Variants in CLCN5 observed in about 807,000 individuals in gnomAD.
CLCN5 encodes the protein H(+)/Cl(-) exchange transporter 5.
Under a neutral mutation model 54.0 loss-of-function variants are expected in CLCN5, and 17 were observed. That is an observed-to-expected ratio of 0.31 (90% CI 0.22 to 0.47). The LOEUF is 0.47. CLCN5 is among the 20% of genes least tolerant of loss of function. The pLI, the probability that CLCN5 is intolerant of heterozygous loss-of-function variation, is 1.00. For missense variants in CLCN5, 448 were observed against 646.7 expected, an observed-to-expected ratio of 0.69 and a Z score of 3.33; for synonymous variants, 222 against 233.0, an observed-to-expected ratio of 0.95 and a Z score of 0.43.
chrX:49,926,021 A>G (rs1333698848), intron 3 of CLCN5, among the ~76,000 whole-genome samples: 2 of 112,198 alleles, frequency 1.8e-5, no homozygotes, highest in African/African-American at 6.5e-5. Context: ...GTGTGGGTTT[A>G]AGAAATGATA....
chrX:50,047,523 A>G (rs937122909), intron 4 of CLCN5, among the ~76,000 whole-genome samples: 13 of 111,354 alleles, frequency 1.2e-4, no homozygotes, highest in African/African-American at 3.6e-4. Context: ...AAAACGGCCA[A>G]ATTTTAGAAT....
chrX:50,074,120 C>T (rs1396646157), intron 6 of CLCN5, among the ~76,000 whole-genome samples: 1 of 111,977 alleles, frequency 8.9e-6, no homozygotes, highest in Non-Finnish European at 1.9e-5. Flanking sequence ...AAAGCCATCT[C>T]AGAAAAATAT....
rs11324611 is a variant in CLCN5, at chrX:49,952,499, GT to G, written c.16+27195del. On this transcript the variant is annotated intron_variant, in intron 3 of 14. Coordinates refer to ENST00000376091, the MANE Select transcript of CLCN5 (RefSeq NM_001127898.4). ...CGGGCTGACTTTGTCTTCCAGGTGGGTTTTTTTTTTCCAGTTGTTTGTTTTA... is the reference window on the plus strand; with the variant it reads ...CGGGCTGACTTTGTCTTCCAGGTGGGTTTTTTTTTCCAGTTGTTTGTTTTA... 1.6e-3 allele frequency among the ~76,000 whole-genome samples: 168 copies of G among 105,879 alleles called. 1 individual carries two copies. The highest frequency in any genetic ancestry group is 5.2e-3 in the African/African-American group (153 of 29,580). The allele number at this position is 105,879 out of a possible 115,157, so 91.9% of individuals were successfully genotyped here. A position where few individuals can be genotyped will look rare whatever the true frequency, so the allele number is the denominator to read the frequency against.
intron 3 of CLCN5, among the ~76,000 whole-genome samples, chrX:50,019,291 A>G (rs1930945807): frequency 9.1e-6 from 1 of 109,717 alleles, no homozygotes; most frequent in Non-Finnish European, 1.9e-5. Context: ...GATGGTCTCT[A>G]TTTTATTTTT....
intron 3 of CLCN5, among the ~76,000 whole-genome samples, chrX:49,951,867 A>G (rs1452328077): frequency 8.9e-6 from 1 of 111,922 alleles, no homozygotes; most frequent in East Asian, 2.8e-4. Flanking sequence ...TTAAGGGCCC[A>G]TTTATGTTGA....
At chrX:50,003,503 T>G in intron 3 of CLCN5, 1 of 383,530 alleles carries the variant, frequency 2.6e-6, no homozygotes, top group South Asian at 2.4e-5. Context: ...AGCCCTTCCC[T>G]GCTCCCTCTC....
At chrX:49,927,481 A>G (rs1318185708) in intron 3 of CLCN5, among the ~76,000 whole-genome samples, 2 of 112,004 alleles carry the variant, frequency 1.8e-5, no homozygotes, top group Non-Finnish European at 3.8e-5. Flanking sequence ...CCAGCAAAGT[A>G]CGATGATAGT....
intron 3 of CLCN5, among the ~76,000 whole-genome samples, chrX:49,959,855 C>T (rs781796881): frequency 9.0e-6 from 1 of 110,988 alleles, no homozygotes. Context: ...ATTTCCTTGC[C>T]CTACGATAAT....
intron 3 of CLCN5, among the ~76,000 whole-genome samples, chrX:49,975,246 C>G (rs1928420592): frequency 9.0e-6 from 1 of 111,215 alleles, no homozygotes; most frequent in African/African-American, 3.3e-5. Flanking sequence ...TAATGGAACA[C>G]TAGGCATAAA....
At chrX:50,034,414 T>C (rs1348627215) in intron 3 of CLCN5, among the ~76,000 whole-genome samples, 1 of 112,046 alleles carries the variant, frequency 8.9e-6, no homozygotes, top group Admixed American at 9.5e-5. Flanking sequence ...AATCCCCTTC[T>C]TCCTCTTGCA....
At chrX:49,941,633 C>G (rs1292086030) in intron 3 of CLCN5, among the ~76,000 whole-genome samples, 1 of 110,996 alleles carries the variant, frequency 9.0e-6, no homozygotes, top group South Asian at 3.8e-4. Context: ...CTTTCTGCCT[C>G]GTTCTCTAGA....
chrX:50,056,062 T>C (rs1337430191), intron 4 of CLCN5, among the ~76,000 whole-genome samples: 2 of 109,299 alleles, frequency 1.8e-5, no homozygotes, highest in African/African-American at 6.6e-5. Context: ...GATATATATA[T>C]ATATGCTTTT....
intron 3 of CLCN5, among the ~76,000 whole-genome samples, chrX:49,938,576 G>A (rs1310135578): frequency 1.8e-5 from 2 of 111,790 alleles, no homozygotes; most frequent in Non-Finnish European, 3.8e-5. Context: ...TGGGAAAACT[G>A]GCTAGCCATA....
At chrX:49,944,917 T>G (rs1362601890) in intron 3 of CLCN5, among the ~76,000 whole-genome samples, 1 of 112,391 alleles carries the variant, frequency 8.9e-6, no homozygotes, top group Admixed American at 9.4e-5. Flanking sequence ...ATGTGATATG[T>G]TATCACCCTC....
chrX:50,063,140 G>A (rs1263363852), intron 4 of CLCN5, among the ~76,000 whole-genome samples: 1 of 101,038 alleles, frequency 9.9e-6, no homozygotes, highest in Admixed American at 1.1e-4. Flanking sequence ...CTAGCAGAAG[G>A]CAAGAAATAA....
chrX:49,955,793 G>A (rs1359203508), intron 3 of CLCN5, among the ~76,000 whole-genome samples: 3 of 111,685 alleles, frequency 2.7e-5, no homozygotes, highest in Non-Finnish European at 5.6e-5. Context: ...GGGAGAACTT[G>A]TTAATTAAAA....
At chrX:50,062,806 A>G (rs1397534070) in intron 4 of CLCN5, among the ~76,000 whole-genome samples, 2 of 102,609 alleles carry the variant, frequency 1.9e-5, no homozygotes, top group Non-Finnish European at 3.9e-5. Context: ...ATAACAAACT[A>G]TCTCTCAGAC....
At chrX:49,933,792 C>T (rs1456550962) in intron 3 of CLCN5, among the ~76,000 whole-genome samples, 1 of 112,192 alleles carries the variant, frequency 8.9e-6, no homozygotes, top group Non-Finnish European at 1.9e-5. Flanking sequence ...ATAATATTTA[C>T]TGCACGTGCT....
chrX:49,994,533 G>C (rs1400069563), intron 3 of CLCN5, among the ~76,000 whole-genome samples: 1 of 103,031 alleles, frequency 9.7e-6, no homozygotes, highest in African/African-American at 4.4e-5. Flanking sequence ...AAATTGAGGA[G>C]AGTAGGAAGT....
Sources: allele counts gnomAD v4.1 joint callset (sites outside exome capture counted in the v4.1 genomes callset), GRCh38; gene constraint gnomAD v4.1.1; transcripts MANE v1.5; gene names NCBI Gene and HGNC (gene_info 2026-07-23, HGNC 2026-07-21).